Variants in MAPRE2 observed in about 807,000 individuals in gnomAD.
MAPRE2 encodes the protein microtubule-associated protein RP/EB family member 2.
A neutral mutation model predicts 43.2 loss-of-function variants in MAPRE2; 13 were observed. The observed-to-expected ratio is 0.30, with a 90% CI of 0.20 to 0.48. MAPRE2 has a LOEUF of 0.48. Among genes scored for constraint, MAPRE2 ranks in the 20% least tolerant of loss-of-function variants. The pLI, the probability that MAPRE2 is intolerant of heterozygous loss-of-function variation, is 0.99. For missense variants in MAPRE2, 161 were observed against 400.2 expected (o/e 0.40, Z 5.10); for synonymous variants, 135 against 148.8 (o/e 0.91, Z 0.68).
intron 1 of MAPRE2, among the ~76,000 whole-genome samples, chr18:34,987,892 C>A (rs575983681): frequency 6.6e-6 from 1 of 152,178 alleles, no homozygotes; most frequent in Non-Finnish European, 1.5e-5. Context: ...ATCCACCCAC[C>A]TCGGCCTCCC....
chr18:35,006,156 T>G (rs1406702044), intron 2 of MAPRE2, among the ~76,000 whole-genome samples: 1 of 152,142 alleles, frequency 6.6e-6, no homozygotes, highest in African/African-American at 2.4e-5. Context: ...AAAGGAACAA[T>G]TAACTGAAAT....
intron 1 of MAPRE2, among the ~76,000 whole-genome samples, chr18:35,000,029 C>A (rs1309463564): frequency 6.6e-6 from 1 of 152,034 alleles, no homozygotes; most frequent in Non-Finnish European, 1.5e-5. Flanking sequence ...CTGTGACCTT[C>A]TGCTAATGCT....
chr18:35,104,823 C>A (rs745328201), intron 4 of MAPRE2, among the ~76,000 whole-genome samples: 1 of 151,902 alleles, frequency 6.6e-6, no homozygotes, highest in Non-Finnish European at 1.5e-5. Context: ...GGAGGTATGT[C>A]GGGTGGGAGG....
At chr18:35,138,244 C>T (rs1184563722) in intron 6 of MAPRE2, among the ~76,000 whole-genome samples, 2 of 152,128 alleles carry the variant, frequency 1.3e-5, no homozygotes, top group African/African-American at 4.8e-5. Context: ...TCTGAGATCT[C>T]CCTGAGGTCA....
At chr18:35,136,486 A>G (rs1910397773) in intron 6 of MAPRE2, among the ~76,000 whole-genome samples, 1 of 152,250 alleles carries the variant, frequency 6.6e-6, no homozygotes, top group South Asian at 2.1e-4. Context: ...GGGGACATAA[A>G]TAAACTTGTG....
rs1300569277 is a variant in MAPRE2, at chr18:35,142,278, T to G, written c.*1909T>G. 6.6e-6 allele frequency: 1 copy of G among 152,260 alleles called. No homozygotes were observed. Among genetic ancestry groups the G allele is most frequent in the Non-Finnish European group, 1.5e-5 (1 of 68,072 alleles). The allele number at this position is 152,260 out of a possible 1,614,324, so 9.4% of individuals were successfully genotyped here. On this transcript the variant is annotated 3_prime_UTR_variant, in exon 7 of 7. Coordinates refer to ENST00000300249, the MANE Select transcript of MAPRE2 (RefSeq NM_014268.4). ...AACAAAAAATAGCTCTTGTAAAAGGTCACAATAACTCTATGCACCTGATAC... is the reference window on the plus strand; with the variant it reads ...AACAAAAAATAGCTCTTGTAAAAGGGCACAATAACTCTATGCACCTGATAC...
intron 2 of MAPRE2, among the ~76,000 whole-genome samples, chr18:35,032,839 G>A (rs2097048475): frequency 6.6e-6 from 1 of 152,094 alleles, no homozygotes; most frequent in Non-Finnish European, 1.5e-5. Context: ...TAGACCTCAA[G>A]AGGGGCCTGA....
chr18:35,072,922 A>C (rs1907179688), intron 2 of MAPRE2, among the ~76,000 whole-genome samples: 2 of 152,146 alleles, frequency 1.3e-5, no homozygotes, highest in African/African-American at 4.8e-5. Flanking sequence ...TCTGCTCTGA[A>C]ATATGTTTCT....
intron 6 of MAPRE2, among the ~76,000 whole-genome samples, chr18:35,133,453 A>G (rs865915866): frequency 2.0e-5 from 3 of 152,226 alleles, no homozygotes; most frequent in Non-Finnish European, 2.9e-5. Context: ...TGTCACATAT[A>G]TGACGTCCTG....
At chr18:34,991,411 G>A (rs1189818211) in intron 1 of MAPRE2, among the ~76,000 whole-genome samples, 4 of 152,188 alleles carry the variant, frequency 2.6e-5, no homozygotes, top group African/African-American at 4.8e-5. Flanking sequence ...AACAAGAAAC[G>A]TCTGTCCTAC....
At chr18:34,998,762 CG>C (rs1568966921) in intron 1 of MAPRE2, among the ~76,000 whole-genome samples, 1 of 132,476 alleles carries the variant, frequency 7.5e-6, no homozygotes, top group African/African-American at 3.1e-5. Flanking sequence ...TGAGCCTGGC[CG>C]AAGTTGCAAT....
intron 1 of MAPRE2, among the ~76,000 whole-genome samples, chr18:35,065,001 AAAC>A (rs1235496721): frequency 6.6e-6 from 1 of 152,166 alleles, no homozygotes; most frequent in East Asian, 1.9e-4. Flanking sequence ...TTGCAAAACA[AAAC>A]AAAAAACCAG....
At chr18:35,015,940 C>T (rs996393965) in intron 2 of MAPRE2, among the ~76,000 whole-genome samples, 8 of 151,864 alleles carry the variant, frequency 5.3e-5, no homozygotes, top group African/African-American at 1.9e-4. Context: ...AATAATTTTT[C>T]AACCCTTGCC....
Position 35,142,015 on chromosome 18 carries a change from T to C in MAPRE2, c.*1646T>C, listed in dbSNP as rs1170623910. The C allele has an allele frequency of 6.6e-6, 1 of 152,244 alleles. No individual in the cohort carries two copies. Among genetic ancestry groups the C allele is most frequent in the East Asian group, 1.9e-4 (1 of 5,208 alleles). 9.4% of individuals were successfully genotyped at this position (152,244 alleles called of 1,614,324 possible). On this transcript the variant is annotated 3_prime_UTR_variant, in exon 7 of 7. Coordinates refer to ENST00000300249, the MANE Select transcript of MAPRE2 (RefSeq NM_014268.4). ...AGATGGCTTGTATTTTTCAGATTAT[T>C]ACAACACACTGTGCAGAATTAGACA...
chr18:35,075,907 T>G (rs754657036), intron 2 of MAPRE2, among the ~76,000 whole-genome samples: 1 of 149,222 alleles, frequency 6.7e-6, no homozygotes, highest in Admixed American at 6.7e-5. Flanking sequence ...ATACAGTAGG[T>G]TTTTTTTCCC....
intron 2 of MAPRE2, among the ~76,000 whole-genome samples, chr18:35,077,586 G>A (rs1907432278): frequency 6.6e-6 from 1 of 152,166 alleles, no homozygotes; most frequent in African/African-American, 2.4e-5. Context: ...ACTGAACATA[G>A]TACTAAGGAG....
intron 4 of MAPRE2, among the ~76,000 whole-genome samples, chr18:35,119,578 A>G (rs977288817): frequency 6.6e-6 from 1 of 152,222 alleles, no homozygotes; most frequent in Non-Finnish European, 1.5e-5. Context: ...ATTTGCACAA[A>G]TGAATGAATT....
At chr18:35,007,372 A>G (rs1017453157) in intron 2 of MAPRE2, among the ~76,000 whole-genome samples, 1 of 152,230 alleles carries the variant, frequency 6.6e-6, no homozygotes, top group African/African-American at 2.4e-5. Context: ...AAGGTGGCCC[A>G]CTATCTAAAT....
chr18:35,091,828 G>C (rs1293234667), intron 2 of MAPRE2, among the ~76,000 whole-genome samples: 1 of 152,136 alleles, frequency 6.6e-6, no homozygotes, highest in Non-Finnish European at 1.5e-5. Context: ...TGATGTATTA[G>C]CCTATTCTTG....
Sources: allele counts gnomAD v4.1 joint callset (sites outside exome capture counted in the v4.1 genomes callset), GRCh38; gene constraint gnomAD v4.1.1; transcripts MANE v1.5; gene names NCBI Gene and HGNC (gene_info 2026-07-23, HGNC 2026-07-21).